The following KCND2 variants were observed in gnomAD, a reference collection of about 807,000 sequenced individuals.
KCND2 encodes A-type voltage-gated potassium channel KCND2.
Under a neutral mutation model 54.4 loss-of-function variants are expected in KCND2, and 16 were observed. The observed-to-expected ratio is 0.29, with a 90% CI of 0.20 to 0.45. KCND2 has a LOEUF of 0.45. Among genes scored for constraint, KCND2 ranks in the 20% least tolerant of loss-of-function variants. The pLI, the probability that KCND2 is intolerant of heterozygous loss-of-function variation, is 1.00. For synonymous variants in KCND2, 317 were observed against 310.7 expected, an observed-to-expected ratio of 1.02 and a Z score of -0.21; for missense variants, 486 against 824.2, an observed-to-expected ratio of 0.59 and a Z score of 5.02.
intron 1 of KCND2, among the ~76,000 whole-genome samples, chr7:120,621,725 T>C (rs995522544): frequency 6.6e-6 from 1 of 152,146 alleles, no homozygotes; most frequent in African/African-American, 2.4e-5. Context: ...CAGTTGGTAA[T>C]AGAAAAACAC....
intron 1 of KCND2, among the ~76,000 whole-genome samples, chr7:120,339,156 G>T (rs1338423602): frequency 6.6e-6 from 1 of 151,176 alleles, no homozygotes. Context: ...CTCCCAAAGT[G>T]CTGGGATTAC....
chr7:120,704,920 A>G (rs531777085), intron 1 of KCND2, among the ~76,000 whole-genome samples: 2 of 152,318 alleles, frequency 1.3e-5, no homozygotes, highest in African/African-American at 2.4e-5. Context: ...TAGTTTTAAA[A>G]TGAATTAAAT....
rs181974733 is a variant in KCND2 at position 120,719,940 on chromosome 7, C to A, written c.1116-12963C>A. On this transcript the variant is annotated intron_variant, in intron 1 of 5. Coordinates refer to ENST00000331113, the MANE Select transcript of KCND2 (RefSeq NM_012281.3). ...CATGAGGCTTGGAAGCCCCAGGGACCAGCTTTCATTACACTTTGTGCCCAT... is the reference window on the plus strand; with the variant it reads ...CATGAGGCTTGGAAGCCCCAGGGACAAGCTTTCATTACACTTTGTGCCCAT... 3.0e-3 allele frequency among the ~76,000 whole-genome samples: 460 copies of A among 152,250 alleles called. 2 individuals carry two copies. Among genetic ancestry groups the A allele is most frequent in the African/African-American group, 0.01 (435 of 41,540 alleles).
chr7:120,586,770 T>G (rs570435744), intron 1 of KCND2, among the ~76,000 whole-genome samples: 1 of 152,312 alleles, frequency 6.6e-6, no homozygotes, highest in Non-Finnish European at 1.5e-5. Flanking sequence ...GTTATAAATC[T>G]CTGCCAAAGG....
chr7:120,336,309 G>A (rs1800150976), intron 1 of KCND2, among the ~76,000 whole-genome samples: 1 of 152,050 alleles, frequency 6.6e-6, no homozygotes, highest in South Asian at 2.1e-4. Flanking sequence ...TCTGAAGATT[G>A]TTCATATTGT....
At chr7:120,383,807 T>A (rs1800949673) in intron 1 of KCND2, among the ~76,000 whole-genome samples, 1 of 152,086 alleles carries the variant, frequency 6.6e-6, no homozygotes, top group Non-Finnish European at 1.5e-5. Flanking sequence ...AAGGTATAAT[T>A]ATTTAAAAGG....
At chr7:120,335,550 G>A (rs906514760) in intron 1 of KCND2, among the ~76,000 whole-genome samples, 8 of 150,910 alleles carry the variant, frequency 5.3e-5, no homozygotes, top group South Asian at 2.1e-4. Flanking sequence ...GCAGTGGTGC[G>A]ATCTTGGCTC....
intron 1 of KCND2, among the ~76,000 whole-genome samples, chr7:120,488,151 C>T (rs992687553): frequency 6.6e-6 from 1 of 152,066 alleles, no homozygotes; most frequent in Non-Finnish European, 1.5e-5. Flanking sequence ...GCTGAGATTG[C>T]ACCACTGTAC....
chr7:120,698,460 G>C (rs531427118), intron 1 of KCND2, among the ~76,000 whole-genome samples: 1 of 152,258 alleles, frequency 6.6e-6, no homozygotes, highest in South Asian at 2.1e-4. Flanking sequence ...CACTTTACAA[G>C]CTTGTTATGA....
intron 1 of KCND2, among the ~76,000 whole-genome samples, chr7:120,432,854 C>T (rs1455772225): frequency 6.6e-6 from 1 of 152,132 alleles, no homozygotes; most frequent in Non-Finnish European, 1.5e-5. Context: ...CAGTGTGTCT[C>T]CTGCCTTACT....
At chr7:120,622,260 A>G (rs1002351621) in intron 1 of KCND2, among the ~76,000 whole-genome samples, 1 of 152,164 alleles carries the variant, frequency 6.6e-6, no homozygotes, top group Non-Finnish European at 1.5e-5. Flanking sequence ...AAGCCACTCT[A>G]CAAGAAGGGT....
chr7:120,657,903 G>A (rs936599815), intron 1 of KCND2, among the ~76,000 whole-genome samples: 5 of 151,964 alleles, frequency 3.3e-5, no homozygotes, highest in African/African-American at 9.7e-5. Flanking sequence ...TTATCCATGT[G>A]CTTTGCCTTG....
At chr7:120,534,754 A>G (rs1348056900) in intron 1 of KCND2, among the ~76,000 whole-genome samples, 1 of 152,136 alleles carries the variant, frequency 6.6e-6, no homozygotes, top group Non-Finnish European at 1.5e-5. Flanking sequence ...CTTTGCCATA[A>G]ATCTAAATCT....
intron 1 of KCND2, among the ~76,000 whole-genome samples, chr7:120,450,428 G>T (rs1266645478): frequency 6.6e-6 from 1 of 151,958 alleles, no homozygotes; most frequent in Non-Finnish European, 1.5e-5. Context: ...AAAATTACTG[G>T]TTTGTATTAC....
At chr7:120,627,216 C>G (rs2116509440) in intron 1 of KCND2, among the ~76,000 whole-genome samples, 1 of 152,252 alleles carries the variant, frequency 6.6e-6, no homozygotes, top group Non-Finnish European at 1.5e-5. Context: ...CAGAGAAGGA[C>G]AGCTCTGCCT....
At chr7:120,636,285 G>A (rs1054723768) in intron 1 of KCND2, among the ~76,000 whole-genome samples, 7 of 152,048 alleles carry the variant, frequency 4.6e-5, no homozygotes, top group Non-Finnish European at 1.0e-4. Context: ...AGACAGCAGA[G>A]GTGATGGTGT....
chr7:120,367,041 G>T (rs1038621629), intron 1 of KCND2, among the ~76,000 whole-genome samples: 4 of 152,076 alleles, frequency 2.6e-5, no homozygotes, highest in Non-Finnish European at 4.4e-5. Context: ...AGTATCTAAG[G>T]GGGTGTAGGT....
rs1233359609 is a variant in KCND2, at chr7:120,275,020, G to A, written c.388G>A (p.Gly130Ser). Residue 130 changes from glycine (G) to serine (S), a missense_variant, in exon 1 of 6, where the codon GGC (glycine) becomes AGC (serine). By Grantham distance (56) the Gly-to-Ser change is moderately conservative (BLOSUM62 0). This residue lies in a region of KCND2 where 231 missense variants were observed against 386.0 expected (regional missense o/e 0.60). Coordinates refer to ENST00000331113, the MANE Select transcript of KCND2 (RefSeq NM_012281.3). The stretch of plus-strand genomic sequence containing the variant: ...CTTTGGCCTCATCCCGGAAATCATC[G>A]GCGACTGCTGTTATGAGGAGTACAA... ...AFFGLIPEII[G>S]DCCYEEYKDR... 1.9e-6 allele frequency: 3 copies of A among 1,613,978 alleles called. No homozygotes were observed. Among genetic ancestry groups the A allele is most frequent in the Non-Finnish European group, 2.5e-6 (3 of 1,180,028 alleles).
chr7:120,483,847 A>G (rs566748488), intron 1 of KCND2, among the ~76,000 whole-genome samples: 18 of 152,312 alleles, frequency 1.2e-4, no homozygotes, highest in African/African-American at 3.6e-4. Flanking sequence ...AGTGTATAAA[A>G]TTGTTTCTAG....
Sources: gnomAD v4.1 joint callset for allele counts (sites outside exome capture counted in the v4.1 genomes callset) on GRCh38, gnomAD v4.1.1 for gene constraint, gnomAD v4.1.1 regional missense constraint, MANE v1.5 for transcripts, NCBI Gene and HGNC (gene_info 2026-07-23, HGNC 2026-07-21) for gene names.